LRRC58: variants seen among roughly 807,000 people sequenced by gnomAD.
LRRC58 encodes the protein leucine rich repeat containing 58, also known as leucine-rich repeat-containing protein 58.
In LRRC58, 18 loss-of-function variants were observed where a neutral mutation model predicts 30.6. The ratio of observed to expected loss-of-function variants is 0.59; its 90% CI spans 0.41 to 0.87. The LOEUF is 0.87. LRRC58 is among the 40% of genes least tolerant of loss of function. The pLI is 0.00. For missense variants in LRRC58, 420 were observed against 468.4 expected (o/e 0.90, Z 0.95); for synonymous variants, 221 against 206.0 (o/e 1.07, Z -0.62).
Position 120,330,880 on chromosome 3 carries a change from C to T in LRRC58, c.*320G>A, listed in dbSNP as rs948339348. 6 of 322,676 alleles carry T rather than the reference C, an allele frequency of 1.9e-5. No individual in the cohort carries two copies. The highest frequency in any genetic ancestry group is 4.5e-5 in the Admixed American group (1 of 22,226). 20.0% of individuals were successfully genotyped at this position (322,676 alleles called of 1,614,324 possible). ...TCCATCTCAATGTCCAAAAGTTATA[C>T]TACTCATGACTTATTGCAGAACTGC... On this transcript the variant is annotated 3_prime_UTR_variant, in exon 4 of 4. Coordinates refer to ENST00000295628, the MANE Select transcript of LRRC58 (RefSeq NM_001099678.2).
Position 120,349,002 on chromosome 3 carries a change from G to A in LRRC58, c.242C>T (p.Thr81Ile), listed in dbSNP as rs936196120. 5 of 1,522,128 alleles carry A rather than the reference G, an allele frequency of 3.3e-6. No homozygotes were observed. In the African/African-American group the frequency reaches 5.7e-5, roughly 17 times the overall value. The allele number at this position is 1,522,128 out of a possible 1,614,324, so 94.3% of individuals were successfully genotyped here. Residue 81 changes from threonine (T) to isoleucine (I), a missense_variant, in exon 1 of 4, where the codon ACC (threonine) becomes ATC (isoleucine). Coordinates refer to ENST00000295628, the MANE Select transcript of LRRC58 (RefSeq NM_001099678.2). Reference sequence around the variant, plus strand: ...AGCGAGCAGCTCCGGCCCGAGCGCGGTCAACGCGTTGCCGCTCACGTCCAG... The same window carrying A: ...AGCGAGCAGCTCCGGCCCGAGCGCGATCAACGCGTTGCCGCTCACGTCCAG... The part of the protein sequence containing the change: ...QLLDVSGNAL[T>I]ALGPELLALR...
chr3:120,338,864 A>G (rs188048016), intron 1 of LRRC58, among the ~76,000 whole-genome samples: 34 of 152,344 alleles, frequency 2.2e-4, no homozygotes, highest in African/African-American at 6.7e-4. Flanking sequence ...CACTTTGGCT[A>G]TTGAGTGGCA....
chr3:120,333,373 ATG>A (rs1283411831), intron 3 of LRRC58, among the ~76,000 whole-genome samples: 1 of 152,238 alleles, frequency 6.6e-6, no homozygotes, highest in Non-Finnish European at 1.5e-5. Context: ...ATGCTGCCCT[ATG>A]TGTTTTCCTC....
At chr3:120,348,675 A>G in intron 1 of LRRC58, 69 bp downstream of exon 1, 1 of 1,466,106 alleles carries the variant, frequency 6.8e-7, no homozygotes, top group Non-Finnish European at 9.0e-7. Context: ...TGAGGTGCCC[A>G]GGCCCGGCGC....
intron 1 of LRRC58, among the ~76,000 whole-genome samples, chr3:120,348,250 T>A (rs2107629220): frequency 6.6e-6 from 1 of 152,202 alleles, no homozygotes; most frequent in Non-Finnish European, 1.5e-5. Flanking sequence ...TTTCTCTACG[T>A]GGGAAAATGC....
In LRRC58 at chr3:120,328,808, T is replaced by C. The variant is rs2107620228; in HGVS notation, c.*2392A>G. Reference sequence around the variant, plus strand: ...GTTTAGGTCAAAGATTTAAGAAAGATAAAACCGACGGCTAAATGTAGACTT... The same window carrying C: ...GTTTAGGTCAAAGATTTAAGAAAGACAAAACCGACGGCTAAATGTAGACTT... On this transcript the variant is annotated 3_prime_UTR_variant, in exon 4 of 4. Coordinates refer to ENST00000295628, the MANE Select transcript of LRRC58 (RefSeq NM_001099678.2). 1 of 152,312 alleles carries C rather than the reference T, an allele frequency of 6.6e-6. No homozygotes were observed. Among genetic ancestry groups the C allele is most frequent in the South Asian group, 2.1e-4 (1 of 4,834 alleles). The allele number at this position is 152,312 out of a possible 1,614,324, so 9.4% of individuals were successfully genotyped here. A position where few individuals can be genotyped will look rare whatever the true frequency, so the allele number is the denominator to read the frequency against.
chr3:120,340,346 C>T (rs937375448), intron 1 of LRRC58, among the ~76,000 whole-genome samples: 63 of 152,170 alleles, frequency 4.1e-4, no homozygotes, highest in African/African-American at 1.5e-3. Flanking sequence ...ATAATTACAT[C>T]TTTTCATTTC....
intron 1 of LRRC58, among the ~76,000 whole-genome samples, chr3:120,338,034 G>A (rs1935857393): frequency 6.6e-6 from 1 of 152,026 alleles, no homozygotes; most frequent in African/African-American, 2.4e-5. Flanking sequence ...GTAGAGATGG[G>A]GTTTCACCAT....
At chr3:120,344,859 A>C (rs1935947845) in intron 1 of LRRC58, among the ~76,000 whole-genome samples, 1 of 152,218 alleles carries the variant, frequency 6.6e-6, no homozygotes, top group Non-Finnish European at 1.5e-5. Context: ...CAGAAAAATA[A>C]GTCAGAATAT....
rs1185346867 is a variant in LRRC58 at position 120,326,725 on chromosome 3, T to C, written c.*4475A>G. ...GAAAAAAGGATCATTTAGGTAAAAA[T>C]TAAATGTTCCTAACTAAATGCAGCT... On this transcript the variant is annotated 3_prime_UTR_variant, in exon 4 of 4. Transcript: ENST00000295628. The C allele has an allele frequency of 6.6e-6, 1 of 152,172 alleles. No individual in the cohort carries two copies. Among genetic ancestry groups the C allele is most frequent in the Non-Finnish European group, 1.5e-5 (1 of 68,030 alleles). 9.4% of individuals were successfully genotyped at this position (152,172 alleles called of 1,614,324 possible).
Position 120,349,069 on chromosome 3 carries a change from G to A in LRRC58, c.175C>T (p.Leu59=). ...AAGCCGCTGCCCAGCGCCCGTGGCA[G>A]CGACACCAGACGGTTGTGAGGCAGC... is the stretch of plus-strand genomic sequence containing the variant. The part of the protein sequence containing the change: ...LLLPHNRLVS[L]PRALGSGFPH... The change falls in exon 1 of 4, where the codon CTG becomes TTG. Residue 59 remains leucine (L), a synonymous_variant. Coordinates refer to ENST00000295628, the MANE Select transcript of LRRC58 (RefSeq NM_001099678.2). 1.3e-6 allele frequency: 2 copies of A among 1,518,870 alleles called. No individual in the cohort carries two copies. The highest frequency in any genetic ancestry group is 2.0e-5 in the Admixed American group (1 of 49,284). The allele number at this position is 1,518,870 out of a possible 1,614,324, so 94.1% of individuals were successfully genotyped here.
At chr3:120,347,998 G>C (rs926068583) in intron 1 of LRRC58, among the ~76,000 whole-genome samples, 7 of 152,190 alleles carry the variant, frequency 4.6e-5, no homozygotes, top group Admixed American at 4.6e-4. Flanking sequence ...CAAGATGAAT[G>C]AAGCACAGAG....
In LRRC58 at chr3:120,329,753, TAAC is replaced by T. The variant is rs1023505696; in HGVS notation, c.*1444_*1446del. The T allele has an allele frequency of 6.6e-6, 1 of 152,028 alleles. No individual in the cohort carries two copies. The highest frequency in any genetic ancestry group is 2.4e-5 in the African/African-American group (1 of 41,446). 9.4% of individuals were successfully genotyped at this position (152,028 alleles called of 1,614,324 possible). On this transcript the variant is annotated 3_prime_UTR_variant, in exon 4 of 4. Coordinates refer to ENST00000295628, the MANE Select transcript of LRRC58 (RefSeq NM_001099678.2). ...TGTTCTAATGCCTATCTGATCTGTA[TAAC>T]ATTTCTTACTGTAGGTTTAACATTA...
chr3:120,336,298 T>C (rs1465057364), intron 1 of LRRC58, among the ~76,000 whole-genome samples: 1 of 152,212 alleles, frequency 6.6e-6, no homozygotes, highest in African/African-American at 2.4e-5. Flanking sequence ...TAGTTCTGAA[T>C]GGAACAGGCT....
intron 1 of LRRC58, among the ~76,000 whole-genome samples, chr3:120,344,946 T>C (rs978179059): frequency 3.9e-5 from 6 of 152,192 alleles, no homozygotes; most frequent in African/African-American, 1.4e-4. Context: ...ATTACACTTA[T>C]TTGCTGAAGA....
rs1935706307 is a variant in LRRC58, at chr3:120,328,038, T to C, written c.*3162A>G. The C allele has an allele frequency of 6.6e-6, 1 of 152,228 alleles. No individual in the cohort carries two copies. Among genetic ancestry groups the C allele is most frequent in the African/African-American group, 2.4e-5 (1 of 41,468 alleles). The allele number at this position is 152,228 out of a possible 1,614,324, so 9.4% of individuals were successfully genotyped here. On this transcript the variant is annotated 3_prime_UTR_variant, in exon 4 of 4. Transcript: ENST00000295628. The stretch of plus-strand genomic sequence containing the variant: ...CTAAGATTATAGGTGTGTGCCACCG[T>C]GCCAAGTCTTTACTTTTAAATGTGG...
At chr3:120,343,518 T>C (rs1218995070) in intron 1 of LRRC58, among the ~76,000 whole-genome samples, 3 of 152,248 alleles carry the variant, frequency 2.0e-5, no homozygotes, top group Non-Finnish European at 4.4e-5. Context: ...ACTAAATTTA[T>C]GGAACAAATT....
intron 3 of LRRC58, among the ~76,000 whole-genome samples, chr3:120,332,627 A>G (rs1935772960): frequency 6.6e-6 from 1 of 152,252 alleles, no homozygotes; most frequent in South Asian, 2.1e-4. Context: ...TTCAGATTAT[A>G]CAAAGAAAAG....
At chr3:120,335,224 G>C (rs1233476140) in intron 2 of LRRC58, 85 bp from the exon 3 acceptor site, 15 of 1,181,806 alleles carry the variant, frequency 1.3e-5, no homozygotes, top group Non-Finnish European at 1.8e-5. Context: ...TACAGAACTT[G>C]ATTTCCCCTT....
Sources: gnomAD v4.1 joint callset for allele counts (sites outside exome capture counted in the v4.1 genomes callset) on GRCh38, gnomAD v4.1.1 for gene constraint, MANE v1.5 for transcripts, NCBI Gene and HGNC (gene_info 2026-07-23, HGNC 2026-07-21) for gene names.